CFAP210: variants seen among roughly 807,000 people sequenced by gnomAD.
The protein encoded by CFAP210 is cilia- and flagella- associated protein 210.
the CFAP210 span, among the ~76,000 whole-genome samples, chr2:169,693,161 T>G: frequency 6.6e-6 from 1 of 152,228 alleles, no homozygotes; most frequent in African/African-American, 2.4e-5. Flanking sequence ...AATTATTTAT[T>G]TTACTAATAG....
the CFAP210 span, among the ~76,000 whole-genome samples, chr2:169,660,606 T>TA: frequency 0.032 from 1,781 of 55,372 alleles, 13 homozygotes; most frequent in African/African-American, 0.079. Flanking sequence ...ATATATATAT[T>TA]TTTTTTTTTT....
the CFAP210 span, among the ~76,000 whole-genome samples, chr2:169,672,571 G>A: frequency 1.3e-5 from 2 of 152,206 alleles, no homozygotes; most frequent in Non-Finnish European, 2.9e-5. Flanking sequence ...AAGTCCCAGA[G>A]TCTAATGACG....
chr2:169,648,162 CAAAAAAAAAAAAAA>C, the CFAP210 span: 23 of 101,718 alleles, frequency 2.3e-4, no homozygotes, highest in African/African-American at 3.2e-4. Context: ...AACTCTGTCT[CAAAAAAAAAAAAAA>C]AAAAAAAAAA....
the CFAP210 span, among the ~76,000 whole-genome samples, chr2:169,676,534 T>C: frequency 1.4e-5 from 2 of 141,448 alleles, no homozygotes; most frequent in African/African-American, 2.6e-5. Flanking sequence ...AATCCCATCA[T>C]GTCTTATAGT....
chr2:169,693,773 G>C, the CFAP210 span, among the ~76,000 whole-genome samples: 2 of 152,120 alleles, frequency 1.3e-5, no homozygotes, highest in African/African-American at 4.8e-5. Flanking sequence ...TTACTTTAGA[G>C]AGGAGGAAAT....
At chr2:169,649,478 G>A in the CFAP210 span, 1 of 747,004 alleles carries the variant, frequency 1.3e-6, no homozygotes, top group Non-Finnish European at 2.1e-6. Flanking sequence ...AAAAGTGCAT[G>A]CACCTGGGGT....
At chr2:169,656,163 G>T in the CFAP210 span, among the ~76,000 whole-genome samples, 1 of 152,096 alleles carries the variant, frequency 6.6e-6, no homozygotes, top group Non-Finnish European at 1.5e-5. Flanking sequence ...GGCAGCACAT[G>T]CCTGTAGTCC....
chr2:169,650,794 T>A, the CFAP210 span, among the ~76,000 whole-genome samples: 1 of 149,366 alleles, frequency 6.7e-6, no homozygotes, highest in Non-Finnish European at 1.5e-5. Context: ...ATCTTAAAAT[T>A]ATCTACACTG....
chr2:169,665,512 G>A, the CFAP210 span, among the ~76,000 whole-genome samples: 1 of 152,042 alleles, frequency 6.6e-6, no homozygotes, highest in Non-Finnish European at 1.5e-5. Flanking sequence ...TTGTTGCAGG[G>A]GAAGGATGGC....
At chr2:169,654,018 T>C in the CFAP210 span, 1 of 1,471,352 alleles carries the variant, frequency 6.8e-7, no homozygotes. Context: ...GTCATAATAA[T>C]CATAAAATCA....
At chr2:169,663,889 T>C in the CFAP210 span, among the ~76,000 whole-genome samples, 1 of 151,854 alleles carries the variant, frequency 6.6e-6, no homozygotes, top group South Asian at 2.1e-4. Flanking sequence ...AAGTCAACAA[T>C]CAAGATTTGA....
At chr2:169,690,615 A>C in the CFAP210 span, among the ~76,000 whole-genome samples, 1 of 151,254 alleles carries the variant, frequency 6.6e-6, no homozygotes, top group African/African-American at 2.4e-5. Context: ...GTGAGCCGAG[A>C]TCATGCCACT....
the CFAP210 span, among the ~76,000 whole-genome samples, chr2:169,679,406 G>A: frequency 1.1e-4 from 16 of 151,822 alleles, no homozygotes; most frequent in South Asian, 2.5e-3. Flanking sequence ...TCGGCTGGGC[G>A]CAGTGGCTCA....
At chr2:169,694,330 T>C in the CFAP210 span, 45 of 1,613,800 alleles carry the variant, frequency 2.8e-5, no homozygotes, top group Non-Finnish European at 3.7e-5. Context: ...GTGTCCATGA[T>C]GCTCCTAGAT....
chr2:169,693,051 G>C, the CFAP210 span, among the ~76,000 whole-genome samples: 15 of 152,194 alleles, frequency 9.9e-5, no homozygotes, highest in African/African-American at 3.6e-4. Flanking sequence ...CGATATTGAT[G>C]ATTTTTGCCA....
the CFAP210 span, among the ~76,000 whole-genome samples, chr2:169,689,614 C>A: frequency 6.6e-6 from 1 of 152,068 alleles, no homozygotes; most frequent in Non-Finnish European, 1.5e-5. Flanking sequence ...TTTTGCTTGC[C>A]TAAATGCCAT....
the CFAP210 span, chr2:169,646,147 T>C: frequency 6.2e-7 from 1 of 1,612,888 alleles, no homozygotes; most frequent in Non-Finnish European, 8.5e-7. Flanking sequence ...CTAATTCTGC[T>C]TGTTTTGCTT....
chr2:169,681,027 G>C, the CFAP210 span: 2 of 1,613,884 alleles, frequency 1.2e-6, no homozygotes, highest in South Asian at 1.1e-5. Context: ...TTAGTCCAGT[G>C]TTTTACCACT....
chr2:169,685,663 C>A, the CFAP210 span, among the ~76,000 whole-genome samples: 29 of 151,558 alleles, frequency 1.9e-4, 1 homozygote, highest in African/African-American at 6.7e-4. Flanking sequence ...GGTGTCATAT[C>A]TAAGAAATTG....
Sources: gnomAD v4.1 joint callset for allele counts (sites outside exome capture counted in the v4.1 genomes callset) on GRCh38, gnomAD v4.1.1 for gene constraint, MANE v1.5 for transcripts, NCBI Gene and HGNC (gene_info 2026-07-23, HGNC 2026-07-21) for gene names.